GPR183: variants seen among roughly 807,000 people sequenced by gnomAD.
GPR183 encodes G protein-coupled receptor 183, also known as EBV-induced G-protein coupled receptor 2.
A neutral mutation model predicts 19.7 loss-of-function variants in GPR183; 9 were observed. The ratio of observed to expected loss-of-function variants is 0.46; its 90% CI spans 0.28 to 0.80. GPR183 has a LOEUF of 0.80. GPR183 is among the 30% of genes least tolerant of loss of function. The probability of loss-of-function intolerance (pLI) is 0.13; values close to 1 mark genes in which losing one functional copy is unlikely to be tolerated. For missense variants in GPR183, 368 were observed against 446.7 expected (o/e 0.82, Z 1.59); for synonymous variants, 160 against 155.1 (o/e 1.03, Z -0.24).
chr13:99,299,613 TA>T (rs777627786), intron 1 of GPR183, among the ~76,000 whole-genome samples: 53 of 152,202 alleles, frequency 3.5e-4, no homozygotes, highest in Non-Finnish European at 7.5e-4. Context: ...AATAAATAGG[TA>T]AAAAAAATTT....
intron 1 of GPR183, among the ~76,000 whole-genome samples, chr13:99,305,391 G>C (rs1366862846): frequency 6.6e-6 from 1 of 152,158 alleles, no homozygotes; most frequent in African/African-American, 2.4e-5. Context: ...GCCACGTCCA[G>C]GGCTGCCTAA....
intron 1 of GPR183, among the ~76,000 whole-genome samples, chr13:99,298,253 T>TG (rs754848022): frequency 1.4e-4 from 21 of 152,296 alleles, no homozygotes; most frequent in Admixed American, 1.1e-3. Context: ...TTTGACCATG[T>TG]GCTAGGTCAC....
chr13:99,303,429 C>T (rs2044284748), intron 1 of GPR183, among the ~76,000 whole-genome samples: 1 of 152,184 alleles, frequency 6.6e-6, no homozygotes, highest in Non-Finnish European at 1.5e-5. Context: ...TTTCTTTCAC[C>T]TTTCACTGGT....
At chr13:99,299,614 A>T (rs980517621) in intron 1 of GPR183, among the ~76,000 whole-genome samples, 1 of 152,012 alleles carries the variant, frequency 6.6e-6, no homozygotes, top group Non-Finnish European at 1.5e-5. Context: ...ATAAATAGGT[A>T]AAAAAAATTT....
chr13:99,300,799 C>T (rs1242713023), intron 1 of GPR183, among the ~76,000 whole-genome samples: 38 of 152,174 alleles, frequency 2.5e-4, no homozygotes, highest in Non-Finnish European at 8.8e-5. Flanking sequence ...GCAGTATGTG[C>T]TGGGTTCCTC....
At chr13:99,306,558 A>G (rs1192372654) in intron 1 of GPR183, among the ~76,000 whole-genome samples, 1 of 152,004 alleles carries the variant, frequency 6.6e-6, no homozygotes, top group Non-Finnish European at 1.5e-5. Context: ...TAAAACCCTC[A>G]CTGCCCTTTA....
intron 1 of GPR183, among the ~76,000 whole-genome samples, chr13:99,298,026 T>A (rs2044202384): frequency 6.6e-6 from 1 of 151,944 alleles, no homozygotes; most frequent in African/African-American, 2.4e-5. Context: ...AAAAGAACAG[T>A]CTACAAAGAA....
At position 99,299,393 on chromosome 13, in the gene GPR183, A is replaced by G. The variant is rs139073025; in HGVS notation, c.-18-3230T>C. ...CTGTTTCTTGACTGGGAATTATGTT[A>G]AGTGAGGAAAGCAGATTATACAACA... On this transcript the variant is annotated intron_variant, in intron 1 of 1. Coordinates refer to ENST00000376414, the MANE Select transcript of GPR183 (RefSeq NM_004951.5). 3.8e-3 allele frequency among the ~76,000 whole-genome samples: 574 copies of G among 152,288 alleles called. 6 individuals carry two copies. Among genetic ancestry groups the G allele is most frequent in the South Asian group, 0.011 (52 of 4,824 alleles).
At chr13:99,302,034 G>T (rs957523235) in intron 1 of GPR183, among the ~76,000 whole-genome samples, 1 of 152,278 alleles carries the variant, frequency 6.6e-6, no homozygotes, top group East Asian at 1.9e-4. Context: ...CCAATTGGAG[G>T]TGACTTCTCT....
rs1468630656 is a variant in GPR183, at chr13:99,295,984, G to A, written c.162C>T (p.Val54=). Residue 54 remains valine (V), a synonymous_variant, in exon 2 of 2, where the codon GTC becomes GTT. Coordinates refer to ENST00000376414, the MANE Select transcript of GPR183 (RefSeq NM_004951.5). The surrounding 1 kb of genome is among the most constrained non-coding windows in gnomAD (Gnocchi z 4.1). ...TTTTTTTCCTGTTTTGAACAATGAC[G>A]ACCAAGGCTAGTAAGTTTCCCACGA... ...IGLVGNLLAL[V]VIVQNRKKIN... The A allele has an allele frequency of 6.2e-6, 10 of 1,614,042 alleles. No individual in the cohort carries two copies. Among genetic ancestry groups the A allele is most frequent in the African/African-American group, 2.7e-5 (2 of 75,006 alleles).
intron 1 of GPR183, among the ~76,000 whole-genome samples, chr13:99,307,008 G>C (rs992889410): frequency 6.6e-6 from 1 of 151,978 alleles, no homozygotes; most frequent in African/African-American, 2.4e-5. Context: ...TTCATACTAA[G>C]TTATCCTGAA....
chr13:99,300,324 T>C (rs1224835355), intron 1 of GPR183, among the ~76,000 whole-genome samples: 2 of 152,218 alleles, frequency 1.3e-5, no homozygotes, highest in Non-Finnish European at 2.9e-5. Flanking sequence ...TAAAGGTAAA[T>C]GCATGCTTTG....
intron 1 of GPR183, among the ~76,000 whole-genome samples, chr13:99,297,263 G>A (rs773112224): frequency 3.3e-5 from 5 of 152,114 alleles, no homozygotes; most frequent in Non-Finnish European, 5.9e-5. Flanking sequence ...AATCCTGTGT[G>A]ATTATTTTTA....
chr13:99,295,428 T>G lies in GPR183; in HGVS notation c.718A>C (p.Lys240Gln). 6.8e-6 allele frequency: 11 copies of G among 1,614,176 alleles called. No homozygotes were observed. Among genetic ancestry groups the G allele is most frequent in the Non-Finnish European group, 9.3e-6 (11 of 1,180,032 alleles). The change falls in exon 2 of 2, where the codon AAA becomes CAA. Residue 240 changes from lysine (K) to glutamine (Q), a missense_variant. Physicochemically the swap from Lys to Gln is moderately conservative, Grantham distance 53. Transcript: ENST00000376414. The surrounding 1 kb of genome is among the most constrained non-coding windows in gnomAD (Gnocchi z 4.1). ...NPLTEKSGVNKKALNTIILII... is the reference protein window; with the variant it reads ...NPLTEKSGVNQKALNTIILII... The stretch of plus-strand genomic sequence containing the variant: ...AGAATAATTGTGTTGAGAGCCTTTT[T>G]GTTTACACCAGATTTCTCAGTGAGT...
intron 1 of GPR183, among the ~76,000 whole-genome samples, chr13:99,299,229 G>A (rs2044220860): frequency 6.6e-6 from 1 of 152,132 alleles, no homozygotes; most frequent in African/African-American, 2.4e-5. Flanking sequence ...GTTCAAGAAT[G>A]TTTTACATAG....
chr13:99,295,981 G>A lies in GPR183; in HGVS notation c.165C>T (p.Val55=). ...TGATTTTTTTCCTGTTTTGAACAAT[G>A]ACGACCAAGGCTAGTAAGTTTCCCA... ...GLVGNLLALV[V]IVQNRKKINS... The change falls in exon 2 of 2, where the codon GTC becomes GTT. Residue 55 remains valine (V), a synonymous_variant. Transcript: ENST00000376414. The surrounding 1 kb of genome is among the most constrained non-coding windows in gnomAD (Gnocchi z 4.1). 1 of 1,608,788 alleles carries A rather than the reference G, an allele frequency of 6.2e-7. No individual in the cohort carries two copies. The highest frequency in any genetic ancestry group is 1.3e-5 in the African/African-American group (1 of 74,812).
At chr13:99,302,879 A>G (rs774904413) in intron 1 of GPR183, among the ~76,000 whole-genome samples, 3 of 152,132 alleles carry the variant, frequency 2.0e-5, no homozygotes, top group Non-Finnish European at 4.4e-5. Context: ...CTGTAAGGTG[A>G]CTTTTTCCCA....
rs577824097 is a variant in GPR183 at position 99,298,401 on chromosome 13, G to A, written c.-18-2238C>T. On this transcript the variant is annotated intron_variant, in intron 1 of 1. Transcript: ENST00000376414. ...AAAAATACACTTCTAAGGAACTCAT[G>A]GGTTAAAGAAGAAATCACAGTGGAA... Among the ~76,000 whole-genome samples, 12 of 152,206 alleles carry A rather than the reference G, an allele frequency of 7.9e-5. No homozygotes were observed. In the South Asian group the frequency reaches 1.2e-3, roughly 16 times the overall value.
At chr13:99,307,240 T>TA in intron 1 of GPR183, 100 bp downstream of exon 1, 1 of 152,316 alleles carries the variant, frequency 6.6e-6, no homozygotes, top group Middle Eastern at 3.4e-3. Flanking sequence ...AGCTTGTTCT[T>TA]AAATAGATTG....
Sources: gnomAD v4.1 joint callset for allele counts (sites outside exome capture counted in the v4.1 genomes callset) on GRCh38, gnomAD v4.1.1 for gene constraint, Gnocchi (gnomAD v3.1) non-coding constraint, MANE v1.5 for transcripts, NCBI Gene and HGNC (gene_info 2026-07-23, HGNC 2026-07-21) for gene names.